Variants in ADAMTS13 observed in about 807,000 individuals in gnomAD.
ADAMTS13 encodes the protein A disintegrin and metalloproteinase with thrombospondin motifs 13.
In ADAMTS13, 110 loss-of-function variants were observed where a neutral mutation model predicts 155.1. That is an observed-to-expected ratio of 0.71 (90% confidence interval 0.61 to 0.83). The LOEUF is 0.83. Ranked by LOEUF, ADAMTS13 falls within the 40% of genes least tolerant of loss-of-function variation. The pLI is 0.00. For missense variants in ADAMTS13, 1,707 were observed against 1,891.7 expected (o/e 0.90, Z 1.81); for synonymous variants, 758 against 756.4 (o/e 1.00, Z -0.03).
At chr9:133,444,760 T>G in intron 19 of ADAMTS13, 103 bp from the exon 20 acceptor site, 1 of 1,213,404 alleles carries the variant, frequency 8.2e-7, no homozygotes, top group Non-Finnish European at 1.2e-6. Context: ...GGCTCCTGGA[T>G]GTTGGGGAGC....
chr9:133,442,541 C>A lies in ADAMTS13; in HGVS notation c.2104+7C>A. The A allele has an allele frequency of 6.2e-7, 1 of 1,613,548 alleles. No individual in the cohort carries two copies. The highest frequency in any genetic ancestry group is 8.5e-7 in the Non-Finnish European group (1 of 1,180,022). ...TCGGTGAGCTGTGGGGCAGGTGAGA[C>A]CTGGGGAAGGCTCATCCACAGCACG... On this transcript the variant is annotated splice_region_variant and intron_variant, in intron 17 of 28. Transcript: ENST00000355699.
At chr9:133,431,329 A>T (rs1377270736) in intron 8 of ADAMTS13, among the ~76,000 whole-genome samples, 5 of 137,442 alleles carry the variant, frequency 3.6e-5, no homozygotes, top group African/African-American at 1.1e-4. Context: ...TCATTTTTTC[A>T]TTTTTTTTTT....
chr9:133,432,977 G>A (rs1197230431), intron 9 of ADAMTS13, among the ~76,000 whole-genome samples: 2 of 138,160 alleles, frequency 1.4e-5, no homozygotes, highest in African/African-American at 6.4e-5. Context: ...GATATGGGGT[G>A]TCTCGGGGGG....
At chr9:133,419,242 A>ATCT (rs914445148), upstream of ADAMTS13, among the ~76,000 whole-genome samples, 1 of 152,168 alleles carries the variant, frequency 6.6e-6, no homozygotes, top group Non-Finnish European at 1.5e-5. Context: ...GGGTGTGGCC[A>ATCT]TTTATCATCT....
intron 9 of ADAMTS13, among the ~76,000 whole-genome samples, 195 bp downstream of exon 9, chr9:133,432,887 A>G (rs1194085622): frequency 6.6e-6 from 1 of 151,630 alleles, no homozygotes; most frequent in Non-Finnish European, 1.5e-5. Context: ...CAGAATGGGA[A>G]TGTGGGCTGC....
intron 23 of ADAMTS13, among the ~76,000 whole-genome samples, chr9:133,453,844 C>T (rs1842584939): frequency 6.6e-6 from 1 of 152,118 alleles, no homozygotes; most frequent in African/African-American, 2.4e-5. Flanking sequence ...TAGAACAGTG[C>T]CAAGCCGCGG....
At chr9:133,448,802 C>A in intron 22 of ADAMTS13, 74 bp downstream of exon 22, 1 of 1,555,166 alleles carries the variant, frequency 6.4e-7, no homozygotes. Flanking sequence ...GCTCCATGCC[C>A]GGTGACCTGC....
In ADAMTS13 at chr9:133,444,936, G is replaced by A. The variant is rs34104386; in HGVS notation, c.2494G>A (p.Val832Met). ...AGLALENETC[V>M]PGADGLEAPV... ...CCTGGCCTTGGAGAACGAGACCTGT[G>A]TGCCAGGGGCAGATGGCCTGGAGGC... The change falls in exon 20 of 29, where the codon GTG (valine) becomes ATG (methionine). Residue 832 changes from valine (V) to methionine (M), a missense_variant. Val to Met is a conservative substitution (Grantham distance 21, BLOSUM62 1). Around this residue, in one of 3 missense-constraint regions of ADAMTS13, gnomAD observed 961 missense variants for 1,107.9 expected, o/e 0.87. Coordinates refer to ENST00000355699, the MANE Select transcript of ADAMTS13 (RefSeq NM_139027.6). 7.4e-4 allele frequency: 1,188 copies of A among 1,613,480 alleles called. 7 individuals carry two copies. In the African/African-American group the frequency reaches 0.014, roughly 19 times the overall value.
upstream of ADAMTS13, chr9:133,417,990 G>A (rs920671609): frequency 4.2e-6 from 3 of 707,822 alleles, no homozygotes; most frequent in Admixed American, 5.9e-5. Flanking sequence ...CTCCGGAAGA[G>A]ACCCCGCACG....
intron 23 of ADAMTS13, among the ~76,000 whole-genome samples, chr9:133,450,589 A>C (rs1019926639): frequency 2.0e-5 from 3 of 151,316 alleles, no homozygotes; most frequent in African/African-American, 7.3e-5. Flanking sequence ...AAAAAAGAAA[A>C]CCCACAAAAA....
rs1554784009 is a variant in ADAMTS13 at position 133,423,115 on chromosome 9, T to C, written c.120T>C (p.Ala40=). 2 of 1,613,946 alleles carry C rather than the reference T, an allele frequency of 1.2e-6. No individual in the cohort carries two copies. The highest frequency in any genetic ancestry group is 1.7e-6 in the Non-Finnish European group (2 of 1,179,958). The change falls in exon 2 of 29, where the codon GCT becomes GCC. Residue 40 remains alanine (A), a synonymous_variant. Coordinates refer to ENST00000355699, the MANE Select transcript of ADAMTS13 (RefSeq NM_139027.6). ...TTGTCTTGCAGAGTTGTCTTCAGGCTTTGGAGCCACAGGCCGTGTCTTCTT... is the reference window on the plus strand; with the variant it reads ...TTGTCTTGCAGAGTTGTCTTCAGGCCTTGGAGCCACAGGCCGTGTCTTCTT... ...PSHFQQSCLQ[A]LEPQAVSSYL... is the part of the protein sequence containing the mutation.
At chr9:133,433,913 T>C (rs1169402480) in intron 11 of ADAMTS13, among the ~76,000 whole-genome samples, 1 of 151,956 alleles carries the variant, frequency 6.6e-6, no homozygotes, top group Non-Finnish European at 1.5e-5. Flanking sequence ...CTGGCCAACA[T>C]GGTGAAATCT....
At position 133,441,969 on chromosome 9, in the gene ADAMTS13, T is replaced by C. The variant is rs1005044679; in HGVS notation, c.1969-430T>C. Among the ~76,000 whole-genome samples, 1 of 152,180 alleles carries C rather than the reference T, an allele frequency of 6.6e-6. No homozygotes were observed. Among genetic ancestry groups the C allele is most frequent in the Non-Finnish European group, 1.5e-5 (1 of 68,036 alleles). ...TCTGTGCTGCCCAAATACCCTATCA[T>C]GTAACCCACCAATGACTTGGTAATT... On this transcript the variant is annotated intron_variant, in intron 16 of 28. Coordinates refer to ENST00000355699, the MANE Select transcript of ADAMTS13 (RefSeq NM_139027.6). This position sits in a 1 kb window ranked among gnomAD's most constrained non-coding sequence, Gnocchi z 5.0.
In ADAMTS13 at chr9:133,449,775, T is replaced by C; in HGVS notation, c.2862-8T>C. On this transcript the variant is annotated splice_region_variant and splice_polypyrimidine_tract_variant and intron_variant, in intron 22 of 28. Transcript: ENST00000355699. The stretch of plus-strand genomic sequence containing the variant: ...CTGTTTGGGGTCCCTGACTCCAGTT[T>C]GCTCCAGGTGGCAGTACAAGCTGGC... The C allele has an allele frequency of 6.2e-7, 1 of 1,613,724 alleles. No homozygotes were observed.
intron 1 of ADAMTS13, chr9:133,415,085 GTGTA>G: frequency 2.5e-6 from 3 of 1,218,760 alleles, no homozygotes; most frequent in Non-Finnish European, 3.5e-6. Context: ...AAACTTACGT[GTGTA>G]TGTATATACA....
At position 133,425,391 on chromosome 9, in the gene ADAMTS13, G is replaced by A. The variant is rs1840212299; in HGVS notation, c.331-138G>A. The A allele has an allele frequency of 8.7e-6, 6 of 691,766 alleles. No homozygotes were observed. The highest frequency in any genetic ancestry group is 5.3e-5 in the South Asian group (3 of 56,106). 42.9% of individuals were successfully genotyped at this position (691,766 alleles called of 1,614,324 possible). On this transcript the variant is annotated intron_variant, in intron 3 of 28. Coordinates refer to ENST00000355699, the MANE Select transcript of ADAMTS13 (RefSeq NM_139027.6). This position sits in a 1 kb window ranked among gnomAD's most constrained non-coding sequence, Gnocchi z 4.6. The stretch of plus-strand genomic sequence containing the variant: ...GTGCAGCACATTTTAGGAGCCCCCC[G>A]CCCCGCCCGGTTCCCACACATGCTG...
chr9:133,452,864 G>C (rs782673320), intron 23 of ADAMTS13, among the ~76,000 whole-genome samples: 1 of 152,182 alleles, frequency 6.6e-6, no homozygotes, highest in Non-Finnish European at 1.5e-5. Flanking sequence ...GAACATTCCA[G>C]GGATACTCCC....
intron 12 of ADAMTS13, among the ~76,000 whole-genome samples, chr9:133,437,410 C>T (rs782268713): frequency 5.3e-5 from 8 of 152,108 alleles, no homozygotes; most frequent in Non-Finnish European, 8.8e-5. Context: ...GCTTGCACTA[C>T]CATGCCGGCT....
chr9:133,442,619 C>T lies in ADAMTS13; in HGVS notation c.2110C>T (p.Arg704Cys), dbSNP rs1554791204. The change falls in exon 18 of 29, where the codon CGC becomes TGC. Residue 704 changes from arginine to cysteine, a missense_variant. This residue lies in a region of ADAMTS13 where 961 missense variants were observed against 1,107.9 expected (regional missense o/e 0.87). Transcript: ENST00000355699. ...CCCTCCCTCTTCCCTCCCAGGGCTGCGCTGGGTAAACTACAGCTGCCTGGA... is the reference window on the plus strand; with the variant it reads ...CCCTCCCTCTTCCCTCCCAGGGCTGTGCTGGGTAAACTACAGCTGCCTGGA... The part of the protein sequence containing the change: ...PCSVSCGAGL[R>C]WVNYSCLDQA... The T allele has an allele frequency of 4.3e-6, 7 of 1,613,238 alleles. No individual in the cohort carries two copies. Among genetic ancestry groups the T allele is most frequent in the Middle Eastern group, 1.6e-4 (1 of 6,062 alleles).
Sources: allele counts gnomAD v4.1 joint callset (sites outside exome capture counted in the v4.1 genomes callset), GRCh38; gene constraint gnomAD v4.1.1; regional missense constraint gnomAD v4.1.1; non-coding constraint Gnocchi (gnomAD v3.1); transcripts MANE v1.5; gene names NCBI Gene and HGNC (gene_info 2026-07-23, HGNC 2026-07-21).